Variants in ADK observed in about 807,000 individuals in gnomAD.
ADK encodes the protein adenosine kinase.
Under a neutral mutation model 44.7 loss-of-function variants are expected in ADK, and 24 were observed. The ratio of observed to expected loss-of-function variants is 0.54; its 90% confidence interval spans 0.39 to 0.76. The LOEUF (loss-of-function observed/expected upper bound fraction) is 0.76. Ranked by LOEUF, ADK falls within the 30% of genes least tolerant of loss-of-function variation. ADK has a pLI of 0.00. For synonymous variants in ADK, 128 were observed against 142.6 expected (o/e 0.90, Z 0.73); for missense variants, 321 against 425.1 (o/e 0.76, Z 2.15).
intron 4 of ADK, among the ~76,000 whole-genome samples, chr10:74,351,464 A>AGATGTGTT (rs1841961676): frequency 6.6e-6 from 1 of 152,222 alleles, no homozygotes; most frequent in Non-Finnish European, 1.5e-5. Flanking sequence ...CCAATATCAT[A>AGATGTGTT]CTGAACAGGC....
At chr10:74,397,605 A>G (rs976289825) in intron 5 of ADK, among the ~76,000 whole-genome samples, 2 of 152,072 alleles carry the variant, frequency 1.3e-5, no homozygotes, top group Admixed American at 1.3e-4. Context: ...TGGCATGATC[A>G]TAGCTCATTG....
At chr10:74,349,030 C>A (rs1841871086) in intron 4 of ADK, among the ~76,000 whole-genome samples, 1 of 152,038 alleles carries the variant, frequency 6.6e-6, no homozygotes, top group Admixed American at 6.6e-5. Context: ...CCTAGCAAGA[C>A]AGGCCAACAC....
intron 10 of ADK, among the ~76,000 whole-genome samples, chr10:74,702,070 C>T (rs980546926): frequency 1.3e-5 from 2 of 152,148 alleles, no homozygotes; most frequent in Admixed American, 6.6e-5. Context: ...ATGTGAAAAT[C>T]ATTTCACAGC....
intron 4 of ADK, among the ~76,000 whole-genome samples, chr10:74,334,864 T>G (rs1269491717): frequency 1.3e-5 from 2 of 152,174 alleles, no homozygotes; most frequent in Admixed American, 1.3e-4. Context: ...TATACATATC[T>G]GCGTTCCTAG....
intron 4 of ADK, among the ~76,000 whole-genome samples, chr10:74,359,971 A>G (rs895258834): frequency 3.9e-5 from 6 of 152,004 alleles, no homozygotes; most frequent in Non-Finnish European, 7.4e-5. Context: ...AATTCTACTG[A>G]CTTTTGTATG....
intron 4 of ADK, among the ~76,000 whole-genome samples, chr10:74,392,572 A>ATGGTT (rs1370660160): frequency 6.6e-6 from 1 of 152,034 alleles, no homozygotes; most frequent in Non-Finnish European, 1.5e-5. Flanking sequence ...CATTGGATAT[A>ATGGTT]TGGTTTGGAA....
chr10:74,167,523 G>A (rs1166097754), intron 1 of ADK, among the ~76,000 whole-genome samples: 1 of 152,092 alleles, frequency 6.6e-6, no homozygotes, highest in Non-Finnish European at 1.5e-5. Context: ...CTCACCTTAT[G>A]CCTTAGGGTA....
intron 9 of ADK, among the ~76,000 whole-genome samples, chr10:74,619,280 C>A (rs371431127): frequency 2.6e-5 from 4 of 152,130 alleles, no homozygotes; most frequent in African/African-American, 9.6e-5. Flanking sequence ...CATGGTGAAA[C>A]CCTGACTCTA....
At chr10:74,290,438 G>A (rs1847371032) in intron 3 of ADK, among the ~76,000 whole-genome samples, 1 of 151,976 alleles carries the variant, frequency 6.6e-6, no homozygotes, top group African/African-American at 2.4e-5. Context: ...TCTCTAAAGG[G>A]TAATCTCAAA....
chr10:74,638,242 G>C lies in ADK; in HGVS notation c.878-31941G>C, dbSNP rs538866738. On this transcript the variant is annotated intron_variant, in intron 9 of 10. Coordinates refer to ENST00000539909, the MANE Select transcript of ADK (RefSeq NM_006721.4). Reference sequence around the variant, plus strand: ...TTGAGTTGGTTTCTATGGACTGAATGTTAAAGTGGGTTTTAAGCAGGTTTT... The same window carrying C: ...TTGAGTTGGTTTCTATGGACTGAATCTTAAAGTGGGTTTTAAGCAGGTTTT... Among the ~76,000 whole-genome samples, 9 of 152,264 alleles carry C rather than the reference G, an allele frequency of 5.9e-5. No homozygotes were observed. The East Asian group carries it at 1.7e-3, about 29-fold the overall frequency.
intron 6 of ADK, among the ~76,000 whole-genome samples, chr10:74,436,406 T>G (rs186739237): frequency 2.0e-4 from 31 of 151,994 alleles, no homozygotes; most frequent in Admixed American, 2.0e-3. Context: ...ATAGAAAATA[T>G]ATTTACTATT....
chr10:74,307,454 G>A (rs879038553), intron 3 of ADK, among the ~76,000 whole-genome samples: 15 of 152,086 alleles, frequency 9.9e-5, no homozygotes, highest in African/African-American at 3.4e-4. Flanking sequence ...TCACCTCTCC[G>A]GAAATTTATC....
chr10:74,632,722 A>G (rs1057463101), intron 9 of ADK, among the ~76,000 whole-genome samples: 1 of 152,232 alleles, frequency 6.6e-6, no homozygotes, highest in Non-Finnish European at 1.5e-5. Context: ...ACAAGGTCAC[A>G]TTCTAAGGTT....
intron 3 of ADK, among the ~76,000 whole-genome samples, chr10:74,307,949 T>C (rs945677085): frequency 2.0e-5 from 3 of 152,228 alleles, no homozygotes; most frequent in African/African-American, 7.2e-5. Context: ...TTCTTTTGCT[T>C]ACATATGACT....
intron 9 of ADK, chr10:74,655,871 G>T: frequency 1.7e-6 from 1 of 601,940 alleles, no homozygotes; most frequent in Non-Finnish European, 3.1e-6. Flanking sequence ...AAGCCAGGCT[G>T]GCAAAGAATG....
At chr10:74,177,509 C>T (rs1287023077) in intron 1 of ADK, among the ~76,000 whole-genome samples, 3 of 152,136 alleles carry the variant, frequency 2.0e-5, no homozygotes, top group Admixed American at 2.0e-4. Context: ...AGACTTTCCC[C>T]CAATTGCTCT....
At chr10:74,215,988 A>G (rs1249970346) in intron 2 of ADK, among the ~76,000 whole-genome samples, 8 of 152,132 alleles carry the variant, frequency 5.3e-5, no homozygotes, top group Admixed American at 5.2e-4. Flanking sequence ...TCTAAATACC[A>G]CTGTGATTTG....
At chr10:74,675,294 A>G (rs1334199194) in intron 10 of ADK, among the ~76,000 whole-genome samples, 1 of 152,210 alleles carries the variant, frequency 6.6e-6, no homozygotes, top group Admixed American at 6.5e-5. Flanking sequence ...ATATATGACT[A>G]CATCATGGAT....
At chr10:74,194,563 A>G (rs1019779067) in intron 1 of ADK, among the ~76,000 whole-genome samples, 1 of 152,214 alleles carries the variant, frequency 6.6e-6, no homozygotes, top group African/African-American at 2.4e-5. Flanking sequence ...AAGTAGAAAA[A>G]TATTATGTCT....
Sources: allele counts gnomAD v4.1 joint callset (sites outside exome capture counted in the v4.1 genomes callset), GRCh38; gene constraint gnomAD v4.1.1; transcripts MANE v1.5; gene names NCBI Gene and HGNC (gene_info 2026-07-23, HGNC 2026-07-21).